The following PLAAT1 variants were observed in gnomAD, a reference collection of about 807,000 sequenced individuals.
The protein encoded by PLAAT1 is H-REV107 protein-related protein.
PLAAT1 carries 13 observed loss-of-function variants against 16.4 expected under a neutral mutation model. That is an observed-to-expected ratio of 0.79 (90% CI 0.52 to 1.26). The LOEUF (loss-of-function observed/expected upper bound fraction) is 1.26, where lower values mean the gene tolerates loss of function less well. PLAAT1 is among the 50% of genes most tolerant of loss of function. PLAAT1 has a pLI of 0.00. For missense variants in PLAAT1, 218 were observed against 207.8 expected, an observed-to-expected ratio of 1.05 and a Z score of -0.30; for synonymous variants, 73 against 78.4, an observed-to-expected ratio of 0.93 and a Z score of 0.36.
downstream of PLAAT1, chr3:193,275,012 G>T: frequency 6.2e-7 from 1 of 1,611,202 alleles, no homozygotes; most frequent in Non-Finnish European, 8.5e-7. Context: ...AAAAAGCAAT[G>T]CTGTTGAGCA....
chr3:193,244,082 C>T (rs897879314), intron 1 of PLAAT1, among the ~76,000 whole-genome samples: 4 of 152,076 alleles, frequency 2.6e-5, no homozygotes, highest in Non-Finnish European at 4.4e-5. Flanking sequence ...AAGTAGTATT[C>T]CATGGTAGGC....
At chr3:193,265,316 G>C (rs187299126) in intron 3 of PLAAT1, among the ~76,000 whole-genome samples, 263 of 152,260 alleles carry the variant, frequency 1.7e-3, no homozygotes, top group Non-Finnish European at 2.6e-3. Flanking sequence ...AAAAAGAAAT[G>C]AAGTACTCAT....
downstream of PLAAT1, among the ~76,000 whole-genome samples, chr3:193,278,177 T>C (rs942673239): frequency 4.6e-5 from 7 of 152,304 alleles, no homozygotes; most frequent in African/African-American, 1.7e-4. Flanking sequence ...CCACACCTTA[T>C]TCATCTTTGT....
chr3:193,252,099 G>A (rs1050048834), intron 1 of PLAAT1, among the ~76,000 whole-genome samples: 1 of 152,154 alleles, frequency 6.6e-6, no homozygotes, highest in African/African-American at 2.4e-5. Context: ...CATGGTGCTG[G>A]TATCTGCTTC....
chr3:193,255,693 C>T lies in PLAAT1; in HGVS notation c.43C>T (p.Pro15Ser). Residue 15 changes from proline (P) to serine (S), a missense_variant, in exon 2 of 4, where the codon CCC (proline) becomes TCC (serine). Pro to Ser is a moderately conservative substitution (Grantham distance 74, BLOSUM62 -1). Coordinates refer to ENST00000264735, the MANE Select transcript of PLAAT1 (RefSeq NM_020386.5). ...CTTCAGTTTGAACTACCCTGGCAAC[C>T]CCTGCCCAGGGGACTTGATCGAAGT... ...DCFSLNYPGN[P>S]CPGDLIEVFR... 6.2e-7 allele frequency: 1 copy of T among 1,612,782 alleles called. No homozygotes were observed.
chr3:193,246,807 G>A (rs1716000167), intron 1 of PLAAT1, among the ~76,000 whole-genome samples: 1 of 152,198 alleles, frequency 6.6e-6, no homozygotes, highest in Non-Finnish European at 1.5e-5. Context: ...GTTCATCAGG[G>A]ATATTGGCCT....
At chr3:193,252,388 C>T (rs1716224722) in intron 1 of PLAAT1, among the ~76,000 whole-genome samples, 1 of 152,180 alleles carries the variant, frequency 6.6e-6, no homozygotes, top group South Asian at 2.1e-4. Flanking sequence ...ATATAACCTA[C>T]ATTCTAATTG....
chr3:193,259,719 T>A (rs1716514331), intron 2 of PLAAT1, among the ~76,000 whole-genome samples: 1 of 151,926 alleles, frequency 6.6e-6, no homozygotes, highest in African/African-American at 2.4e-5. Context: ...CTAAAAGAAA[T>A]CAGAGATGAG....
In PLAAT1 at chr3:193,266,030, T is replaced by C. The variant is rs1716765703; in HGVS notation, c.405+2795T>C. Among the ~76,000 whole-genome samples the C allele has an allele frequency of 3.9e-5, 6 of 152,200 alleles. No homozygotes were observed. In the South Asian group the frequency reaches 1.2e-3, roughly 32 times the overall value. On this transcript the variant is annotated intron_variant, in intron 3 of 3. Transcript: ENST00000264735. ...TTACGCAAGACAAGTTCTGAAGATGTGCTGTACAACATAGGGCCTATGATT... is the reference window on the plus strand; with the variant it reads ...TTACGCAAGACAAGTTCTGAAGATGCGCTGTACAACATAGGGCCTATGATT...
At chr3:193,270,069 A>AACACACACACAC (rs1553807457) in intron 3 of PLAAT1, among the ~76,000 whole-genome samples, 5 of 147,878 alleles carry the variant, frequency 3.4e-5, no homozygotes, top group African/African-American at 7.5e-5. Context: ...ACATCCCTGA[A>AACACACACACAC]ACACACACAC....
downstream of PLAAT1, chr3:193,274,905 T>G: frequency 1.6e-6 from 2 of 1,285,890 alleles, no homozygotes; most frequent in Non-Finnish European, 2.2e-6. Context: ...TGCTGCAAGG[T>G]TTAATTCATT....
chr3:193,241,647 C>G (rs1715752301), intron 1 of PLAAT1, 114 bp downstream of exon 1: 1 of 693,754 alleles, frequency 1.4e-6, no homozygotes, highest in Non-Finnish European at 2.0e-6. Flanking sequence ...AGCTTATCCA[C>G]CCTCCTCTTT....
intron 3 of PLAAT1, among the ~76,000 whole-genome samples, chr3:193,267,496 T>C (rs1317578100): frequency 6.6e-6 from 1 of 152,186 alleles, no homozygotes; most frequent in African/African-American, 2.4e-5. Context: ...TTTCATGTAA[T>C]AATATGTATT....
At chr3:193,243,706 C>T (rs957243551) in intron 1 of PLAAT1, among the ~76,000 whole-genome samples, 1 of 152,202 alleles carries the variant, frequency 6.6e-6, no homozygotes, top group Non-Finnish European at 1.5e-5. Flanking sequence ...CGCTTACTAC[C>T]TGTGCGACTT....
downstream of PLAAT1, among the ~76,000 whole-genome samples, chr3:193,273,441 G>T (rs1440397269): frequency 6.6e-6 from 1 of 152,116 alleles, no homozygotes; most frequent in Non-Finnish European, 1.5e-5. Flanking sequence ...CATTTATGCT[G>T]GTGGTTTGTG....
chr3:193,265,700 G>A (rs993135757), intron 3 of PLAAT1, among the ~76,000 whole-genome samples: 2 of 151,914 alleles, frequency 1.3e-5, no homozygotes, highest in East Asian at 3.9e-4. Context: ...CATAATGAAA[G>A]GATATATTTA....
chr3:193,247,289 G>T (rs1716016118), intron 1 of PLAAT1, among the ~76,000 whole-genome samples: 2 of 152,172 alleles, frequency 1.3e-5, no homozygotes, highest in Admixed American at 6.5e-5. Flanking sequence ...ATTTTGTGCA[G>T]ATAAGGGAAC....
intron 2 of PLAAT1, chr3:193,276,782 G>C (rs1560109038): frequency 2.5e-6 from 4 of 1,613,290 alleles, no homozygotes; most frequent in Non-Finnish European, 3.4e-6. Flanking sequence ...AATTGGGTGA[G>C]GGCTACCACC....
chr3:193,262,109 G>T (rs975073223), intron 2 of PLAAT1, among the ~76,000 whole-genome samples: 1 of 152,200 alleles, frequency 6.6e-6, no homozygotes, highest in Non-Finnish European at 1.5e-5. Context: ...AAGGACTGGA[G>T]CCTGGCTTTA....
Sources: gnomAD v4.1 joint callset for allele counts (sites outside exome capture counted in the v4.1 genomes callset) on GRCh38, gnomAD v4.1.1 for gene constraint, MANE v1.5 for transcripts, NCBI Gene and HGNC (gene_info 2026-07-23, HGNC 2026-07-21) for gene names.